Variants in BMAL2 observed in about 807,000 individuals in gnomAD.
BMAL2 encodes basic helix-loop-helix ARNT like 2, also known as basic helix-loop-helix ARNT-like protein 2.
chr12:27,388,243 A>T, the BMAL2 span, among the ~76,000 whole-genome samples: 18 of 152,270 alleles, frequency 1.2e-4, no homozygotes, highest in Non-Finnish European at 2.1e-4. Flanking sequence ...GCTCAGGGGC[A>T]TGTAGGGATT....
chr12:27,363,859 CT>C, the BMAL2 span, among the ~76,000 whole-genome samples: 1 of 152,046 alleles, frequency 6.6e-6, no homozygotes, highest in Non-Finnish European at 1.5e-5. Flanking sequence ...CATTTTATGT[CT>C]TGGGAATTTC....
the BMAL2 span, chr12:27,389,096 A>G: frequency 1.1e-6 from 1 of 949,728 alleles, no homozygotes; most frequent in Non-Finnish European, 1.7e-6. Context: ...ATCAAAAATC[A>G]AAAAAGAACA....
the BMAL2 span, chr12:27,401,183 A>G: frequency 6.9e-6 from 8 of 1,153,470 alleles, no homozygotes; most frequent in East Asian, 1.2e-4. Flanking sequence ...GATCCTGACC[A>G]TATGTGGGCC....
At chr12:27,362,470 A>G in the BMAL2 span, among the ~76,000 whole-genome samples, 1 of 152,174 alleles carries the variant, frequency 6.6e-6, no homozygotes, top group African/African-American at 2.4e-5. Context: ...GGTAAAAATA[A>G]TGTGTACTGT....
the BMAL2 span, among the ~76,000 whole-genome samples, chr12:27,351,797 C>G: frequency 2.0e-5 from 3 of 149,292 alleles, no homozygotes; most frequent in African/African-American, 4.8e-5. Context: ...GGCATGCCCA[C>G]TCCGCTTGGG....
At chr12:27,350,994 CT>C in the BMAL2 span, among the ~76,000 whole-genome samples, 37 of 94,276 alleles carry the variant, frequency 3.9e-4, no homozygotes, top group Non-Finnish European at 4.8e-4. Context: ...CCCACCCCCC[CT>C]TTTTTTTTTT....
the BMAL2 span, among the ~76,000 whole-genome samples, chr12:27,334,984 T>C: frequency 6.6e-6 from 1 of 152,264 alleles, no homozygotes; most frequent in Non-Finnish European, 1.5e-5. Flanking sequence ...TTCTTTTCTT[T>C]CCCATCTGAC....
the BMAL2 span, chr12:27,376,535 G>T: frequency 1.7e-6 from 1 of 603,490 alleles, no homozygotes; most frequent in Non-Finnish European, 2.8e-6. Flanking sequence ...AATGTTATCA[G>T]GCACCTGATG....
the BMAL2 span, among the ~76,000 whole-genome samples, chr12:27,405,018 G>C: frequency 6.6e-6 from 1 of 152,192 alleles, no homozygotes; most frequent in South Asian, 2.1e-4. Flanking sequence ...AGCAGTCTGA[G>C]ATCAAACTGC....
chr12:27,357,787 T>G, the BMAL2 span, among the ~76,000 whole-genome samples: 1 of 152,184 alleles, frequency 6.6e-6, no homozygotes, highest in Non-Finnish European at 1.5e-5. Context: ...AAACAAATGG[T>G]GCTGATATAA....
At chr12:27,353,286 A>G in the BMAL2 span, among the ~76,000 whole-genome samples, 1 of 152,210 alleles carries the variant, frequency 6.6e-6, no homozygotes, top group Admixed American at 6.5e-5. Context: ...ACCTACAACC[A>G]TCTGATCTTC....
the BMAL2 span, chr12:27,402,696 GA>G: frequency 6.3e-7 from 1 of 1,594,882 alleles, no homozygotes; most frequent in Non-Finnish European, 8.6e-7. Flanking sequence ...ACTTTTAGAT[GA>G]TGGAAGACTT....
chr12:27,352,664 C>T, the BMAL2 span, among the ~76,000 whole-genome samples: 1 of 152,244 alleles, frequency 6.6e-6, no homozygotes, highest in Admixed American at 6.5e-5. Context: ...TCTCTCTTCA[C>T]TGACAATGTG....
At chr12:27,334,085 A>C in the BMAL2 span, among the ~76,000 whole-genome samples, 2 of 152,188 alleles carry the variant, frequency 1.3e-5, no homozygotes, top group African/African-American at 4.8e-5. Context: ...CAATGAGAGG[A>C]GGTGGCTTTC....
At chr12:27,376,903 A>T in the BMAL2 span, among the ~76,000 whole-genome samples, 1 of 148,036 alleles carries the variant, frequency 6.8e-6, no homozygotes, top group Admixed American at 6.8e-5. Flanking sequence ...GGGGGGACTG[A>T]GGCAGGAGAA....
At chr12:27,373,580 G>A in the BMAL2 span, among the ~76,000 whole-genome samples, 1 of 152,144 alleles carries the variant, frequency 6.6e-6, no homozygotes, top group Non-Finnish European at 1.5e-5. Flanking sequence ...CCTAAAGATA[G>A]TACAAGATGA....
chr12:27,360,083 C>T, the BMAL2 span, among the ~76,000 whole-genome samples: 17 of 147,768 alleles, frequency 1.2e-4, no homozygotes, highest in Admixed American at 4.1e-4. Flanking sequence ...GTACTAGCAG[C>T]AGTAAAATGT....
At chr12:27,383,702 A>G in the BMAL2 span, among the ~76,000 whole-genome samples, 3 of 152,146 alleles carry the variant, frequency 2.0e-5, no homozygotes, top group African/African-American at 7.2e-5. Context: ...CTGACCTAGC[A>G]CTCAGAGTCT....
chr12:27,358,370 A>G, the BMAL2 span, among the ~76,000 whole-genome samples: 2 of 152,220 alleles, frequency 1.3e-5, no homozygotes, highest in South Asian at 4.1e-4. Context: ...AAGAATGGTC[A>G]TAATCAAAAA....
Sources: allele counts gnomAD v4.1 joint callset (sites outside exome capture counted in the v4.1 genomes callset), GRCh38; gene constraint gnomAD v4.1.1; transcripts MANE v1.5; gene names NCBI Gene and HGNC (gene_info 2026-07-23, HGNC 2026-07-21).